Variants in CNIH3 observed in about 807,000 individuals in gnomAD.
CNIH3 encodes the protein cornichon family AMPA receptor auxiliary protein 3, also known as protein cornichon homolog 3.
In CNIH3, 14 loss-of-function variants were observed where a neutral mutation model predicts 24.1. The ratio of observed to expected loss-of-function variants is 0.58; its 90% CI spans 0.38 to 0.91. The LOEUF (loss-of-function observed/expected upper bound fraction) is 0.91, where lower values mean the gene tolerates loss of function less well. Among genes scored for constraint, CNIH3 ranks in the 40% least tolerant of loss-of-function variants. CNIH3 has a pLI of 0.00. For synonymous variants in CNIH3, 68 were observed against 73.8 expected (o/e 0.92, Z 0.40); for missense variants, 178 against 196.8 (o/e 0.90, Z 0.57).
chr1:224,609,438 G>T (rs1682581689), intron 3 of CNIH3, among the ~76,000 whole-genome samples: 1 of 152,086 alleles, frequency 6.6e-6, no homozygotes, highest in Non-Finnish European at 1.5e-5. Flanking sequence ...GTATCTTTGT[G>T]GTGGGGACTG....
At chr1:224,702,647 C>T (rs1376170036) in intron 3 of CNIH3, among the ~76,000 whole-genome samples, 2 of 152,210 alleles carry the variant, frequency 1.3e-5, no homozygotes, top group African/African-American at 4.8e-5. Flanking sequence ...ACATTTCAAC[C>T]CACTGGGGGA....
intron 1 of CNIH3, among the ~76,000 whole-genome samples, chr1:224,437,340 T>C (rs1038299434): frequency 2.0e-5 from 3 of 152,218 alleles, no homozygotes; most frequent in Admixed American, 2.0e-4. Flanking sequence ...ATTTGACCCA[T>C]CTTGTGTTAG....
chr1:224,435,200 C>T, intron 1 of CNIH3: 1 of 986,484 alleles, frequency 1.0e-6, no homozygotes, highest in Non-Finnish European at 1.2e-6. Context: ...GAGGATGGGG[C>T]AGGGGGCTAG....
upstream of CNIH3, chr1:224,616,116 GT>G (rs1444371174): frequency 6.4e-6 from 1 of 156,242 alleles, no homozygotes; most frequent in African/African-American, 2.4e-5. Flanking sequence ...CTGGCTTCAA[GT>G]TTCCTCCGAG....
At chr1:224,697,565 G>A (rs1297145510) in intron 3 of CNIH3, among the ~76,000 whole-genome samples, 1 of 152,152 alleles carries the variant, frequency 6.6e-6, no homozygotes, top group Non-Finnish European at 1.5e-5. Context: ...GAGATGGTCA[G>A]CCCAGTGGGA....
At position 224,684,165 on chromosome 1, in the gene CNIH3, G is replaced by A. The variant is rs1323846213; in HGVS notation, c.151-631G>A. On this transcript the variant is annotated intron_variant, in intron 2 of 5. Coordinates refer to ENST00000272133, the MANE Select transcript of CNIH3 (RefSeq NM_152495.2). The surrounding 1 kb of genome is among the most constrained non-coding windows in gnomAD (Gnocchi z 4.2). ...CAACGGCATTTAGTGCACGATGCGGGCATCATCACCTGCCCAGCCACGGGC... is the reference window on the plus strand; with the variant it reads ...CAACGGCATTTAGTGCACGATGCGGACATCATCACCTGCCCAGCCACGGGC... 6.6e-6 allele frequency among the ~76,000 whole-genome samples: 1 copy of A among 152,162 alleles called. No individual in the cohort carries two copies. Among genetic ancestry groups the A allele is most frequent in the Non-Finnish European group, 1.5e-5 (1 of 68,028 alleles).
At chr1:224,701,197 CT>C (rs758489061) in intron 3 of CNIH3, among the ~76,000 whole-genome samples, 728 of 133,356 alleles carry the variant, frequency 5.5e-3, no homozygotes, top group Middle Eastern at 0.012. Context: ...GGCTCGGGTT[CT>C]TTTTTTTTTT....
chr1:224,500,832 C>T (rs1015950589), intron 1 of CNIH3, among the ~76,000 whole-genome samples: 2 of 152,154 alleles, frequency 1.3e-5, no homozygotes, highest in Non-Finnish European at 2.9e-5. Context: ...TTTCCCTTGA[C>T]CTCAAGACTC....
Position 224,509,320 on chromosome 1 carries a change from A to G in CNIH3, n.204-6421A>G, listed in dbSNP as rs149945802. On this transcript the variant is annotated intron_variant and non_coding_transcript_variant, in intron 1 of 5. Coordinates refer to the CNIH3 transcript ENST00000471578. ...GCCTGGGTGAGAGAGTGAAACCCTG[A>G]AGATAGAAAGACGAAAGGAAAGAAG... Among the ~76,000 whole-genome samples, 5 of 152,200 alleles carry G rather than the reference A, an allele frequency of 3.3e-5. No homozygotes were observed. In the East Asian group the frequency reaches 9.7e-4, roughly 29 times the overall value.
intron 1 of CNIH3, among the ~76,000 whole-genome samples, chr1:224,467,709 C>A (rs888118206): frequency 6.6e-6 from 1 of 152,196 alleles, no homozygotes; most frequent in Non-Finnish European, 1.5e-5. Flanking sequence ...CAGGCATGAG[C>A]CACTGCGCCT....
chr1:224,609,443 G>A (rs907706896), intron 3 of CNIH3, among the ~76,000 whole-genome samples: 5 of 152,058 alleles, frequency 3.3e-5, no homozygotes, highest in African/African-American at 1.2e-4. Flanking sequence ...TTTGTGGTGG[G>A]GACTGGAGGG....
At position 224,634,406 on chromosome 1, in the gene CNIH3, T is replaced by G. The variant is rs558746962; in HGVS notation, c.81+17151T>G. On this transcript the variant is annotated intron_variant, in intron 1 of 5. Coordinates refer to ENST00000272133, the MANE Select transcript of CNIH3 (RefSeq NM_152495.2). ...CAACATAGTGAAACCCCGTCTCTAC[T>G]AAAAGTACAAAAATTAGCTGGGCAT... Among the ~76,000 whole-genome samples, 7 of 152,124 alleles carry G rather than the reference T, an allele frequency of 4.6e-5. No homozygotes were observed. The South Asian group carries it at 1.5e-3, about 32-fold the overall frequency.
At chr1:224,588,990 A>ATTTT, downstream of CNIH3, among the ~76,000 whole-genome samples, 1 of 56,428 alleles carries the variant, frequency 1.8e-5, no homozygotes. Context: ...TTTTGGAGCC[A>ATTTT]TTTTACTGAG....
intron 1 of CNIH3, among the ~76,000 whole-genome samples, chr1:224,490,025 A>C (rs1435062189): frequency 6.6e-6 from 1 of 152,198 alleles, no homozygotes; most frequent in Admixed American, 6.5e-5. Context: ...ATGTAGGACC[A>C]AAAAAATAGG....
chr1:224,657,453 T>A (rs1214178813), intron 1 of CNIH3, among the ~76,000 whole-genome samples: 1 of 152,130 alleles, frequency 6.6e-6, no homozygotes, highest in Non-Finnish European at 1.5e-5. Context: ...TCACATTTTA[T>A]TGATAAGGGT....
At chr1:224,645,324 C>G (rs1468621939) in intron 1 of CNIH3, among the ~76,000 whole-genome samples, 1 of 152,252 alleles carries the variant, frequency 6.6e-6, no homozygotes. Context: ...AGAGGAGACT[C>G]AGCCCCCAAG....
At chr1:224,677,480 C>T (rs1273238290) in intron 1 of CNIH3, among the ~76,000 whole-genome samples, 1 of 152,098 alleles carries the variant, frequency 6.6e-6, no homozygotes, top group Non-Finnish European at 1.5e-5. Context: ...TGTAGGGACG[C>T]TGAAAGCCTT....
In CNIH3 at chr1:224,470,317, C is replaced by CT. The variant is rs1328534764; in HGVS notation, n.203+35473dup. ...ACAGGCATGAGCCACTGTGCCTGGC[C>CT]TTTTTTTTTTTTTTTTTTAAGAGGT... On this transcript the variant is annotated intron_variant and non_coding_transcript_variant, in intron 1 of 5. Coordinates refer to the CNIH3 transcript ENST00000471578. 8.1e-3 allele frequency among the ~76,000 whole-genome samples: 1,086 copies of CT among 134,294 alleles called. 17 individuals carry two copies. The highest frequency in any genetic ancestry group is 0.019 in the African/African-American group (703 of 36,432). 88.1% of individuals were successfully genotyped at this position (134,294 alleles called of 152,430 possible).
intron 3 of CNIH3, among the ~76,000 whole-genome samples, chr1:224,611,066 A>G (rs1682674756): frequency 6.6e-6 from 1 of 152,260 alleles, no homozygotes; most frequent in African/African-American, 2.4e-5. Context: ...AAATGAAAAA[A>G]CACTCACCTT....
Sources: allele counts gnomAD v4.1 joint callset (sites outside exome capture counted in the v4.1 genomes callset), GRCh38; gene constraint gnomAD v4.1.1; non-coding constraint Gnocchi (gnomAD v3.1); transcripts MANE v1.5; gene names NCBI Gene and HGNC (gene_info 2026-07-23, HGNC 2026-07-21).